Variants in TTN observed in about 807,000 individuals in gnomAD.
The protein encoded by TTN is titin, also known as connectin.
A neutral mutation model predicts 3,223.0 loss-of-function variants in TTN; 1,525 were observed. The observed-to-expected ratio is 0.47, with a 90% CI of 0.45 to 0.49. TTN has a LOEUF of 0.49. TTN is among the 20% of genes least tolerant of loss of function. The pLI, the probability that TTN is intolerant of heterozygous loss-of-function variation, is 0.00. For missense variants in TTN, 40,786 were observed against 43,424.0 expected, an observed-to-expected ratio of 0.94 and a Z score of 5.40; for synonymous variants, 14,094 against 15,161.0, an observed-to-expected ratio of 0.93 and a Z score of 5.17.
In TTN at chr2:178,681,061, G is replaced by T; in HGVS notation, c.33340+18C>A. 6.4e-7 allele frequency: 1 copy of T among 1,573,820 alleles called. No individual in the cohort carries two copies. The highest frequency in any genetic ancestry group is 8.6e-7 in the Non-Finnish European group (1 of 1,160,486). On this transcript the variant is annotated intron_variant, in intron 138 of 362. Transcript: ENST00000589042. Reference sequence around the variant, plus strand: ...AGGCATCAGAAAAGATCACAATCGAGGAAGGAAATCATTATACCTTTAGCA... The same window carrying T: ...AGGCATCAGAAAAGATCACAATCGATGAAGGAAATCATTATACCTTTAGCA...
Position 178,662,357 on chromosome 2 carries a change from T to G in TTN, c.37020A>C (p.Pro12340=), listed in dbSNP as rs1459084980. 6.7e-7 allele frequency: 1 copy of G among 1,487,738 alleles called. No homozygotes were observed. The highest frequency in any genetic ancestry group is 1.6e-5 in the African/African-American group (1 of 63,792). 92.2% of individuals were successfully genotyped at this position (1,487,738 alleles called of 1,614,324 possible). A position where few individuals can be genotyped will look rare whatever the true frequency, so the allele number is the denominator to read the frequency against. The change falls in exon 177 of 363, where the codon CCA becomes CCC. Residue 12340 remains proline (P), a synonymous_variant. Transcript: ENST00000589042. The part of the protein sequence containing the change: ...KEIPVAPPKK[P]EAPIVPVPEA... The stretch of plus-strand genomic sequence containing the variant: ...GTGTACCTGGGACAATTGGAGCTTC[T>G]GGTTTTTTGGGTGGAGCCACGGGAA...
In TTN at chr2:178,768,698, T is replaced by C; in HGVS notation, c.9138A>G (p.Thr3046=). The change falls in exon 38 of 363, where the codon ACA becomes ACG. Residue 3046 remains threonine, a synonymous_variant. Transcript: ENST00000589042. ...CTTCCACATAAAGTGTGGCTGTTGA[T>C]GTTGCTTTTCCAGCCACAAAGGTGT... ...ADYTFVAGKA[T]STATLYVEAR... is the part of the protein sequence containing the mutation. 1 of 1,614,056 alleles carries C rather than the reference T, an allele frequency of 6.2e-7. No homozygotes were observed. The highest frequency in any genetic ancestry group is 8.5e-7 in the Non-Finnish European group (1 of 1,180,008).
chr2:178,614,011 T>C, intron 262 of TTN, 41 bp downstream of exon 262: 1 of 1,609,820 alleles, frequency 6.2e-7, no homozygotes, highest in South Asian at 1.1e-5. Flanking sequence ...AAGTTTGACA[T>C]AAGCATCCTT....
At chr2:178,736,711 CAATATTA>C (rs2081504598) in intron 49 of TTN, among the ~76,000 whole-genome samples, 1 of 152,226 alleles carries the variant, frequency 6.6e-6, no homozygotes, top group African/African-American at 2.4e-5. Context: ...TCTGAAGCTT[CAATATTA>C]GTCGCATTCC....
intron 15 of TTN, 73 bp from the exon 16 acceptor site, chr2:178,784,424 T>G: frequency 6.4e-7 from 1 of 1,571,328 alleles, no homozygotes; most frequent in Non-Finnish European, 8.7e-7. Context: ...GGACTGAGTC[T>G]GAGCCTATTT....
chr2:178,681,942 T>C (rs2069509705), intron 135 of TTN, among the ~76,000 whole-genome samples: 1 of 151,990 alleles, frequency 6.6e-6, no homozygotes, highest in Non-Finnish European at 1.5e-5. Context: ...AGGTAATTCT[T>C]ACATATTAAA....
intron 349 of TTN, chr2:178,541,950 T>C: frequency 3.6e-6 from 1 of 277,558 alleles, no homozygotes; most frequent in Non-Finnish European, 6.7e-6. Context: ...ACATTGCCAG[T>C]CCTCCTTCCT....
chr2:178,724,987 G>A (rs1435985575), intron 71 of TTN: 4 of 206,446 alleles, frequency 1.9e-5, no homozygotes, highest in Non-Finnish European at 3.8e-5. Flanking sequence ...TCAAACAATT[G>A]TTTAATTGTC....
intron 346 of TTN, 70 bp from the exon 347 acceptor site, chr2:178,543,732 A>G: frequency 2.6e-6 from 4 of 1,519,502 alleles, no homozygotes; most frequent in Non-Finnish European, 3.5e-6. Flanking sequence ...GGGAAATATA[A>G]TCAACATAGT....
Position 178,584,212 on chromosome 2 carries a change from G to A in TTN, c.65275+64C>T, listed in dbSNP as rs896274867. 1.4e-5 allele frequency: 21 copies of A among 1,496,152 alleles called. 1 individual carries two copies. In the Middle Eastern group the frequency reaches 9.0e-4, roughly 64 times the overall value. 92.7% of individuals were successfully genotyped at this position (1,496,152 alleles called of 1,614,324 possible). On this transcript the variant is annotated intron_variant, in intron 311 of 362. Transcript: ENST00000589042. ...TCTTGGAGTCCAAATCTTAGACTCC[G>A]AGATTTAAATGTGCCTCCATAATAC...
Position 178,774,405 on chromosome 2 carries a change from C to G in TTN, c.6859G>C (p.Glu2287Gln), listed in dbSNP as rs1235978208. ...ATATTTTCTGGGGATACAATGCACT[C>G]TAATTCTCCTGAATATGATTCTGGA... ...EVPESYSGELECIVSPENIEG... is the reference protein window; with the variant it reads ...EVPESYSGELQCIVSPENIEG... The change falls in exon 30 of 363, where the codon GAG becomes CAG. Residue 2287 changes from glutamate (E) to glutamine (Q), a missense_variant. Transcript: ENST00000589042. The G allele has an allele frequency of 6.2e-7, 1 of 1,613,758 alleles. No individual in the cohort carries two copies. The highest frequency in any genetic ancestry group is 1.1e-5 in the South Asian group (1 of 91,080).
chr2:178,727,532 A>G (rs1412665083), intron 68 of TTN, 53 bp downstream of exon 68: 8 of 1,522,012 alleles, frequency 5.3e-6, no homozygotes, highest in Middle Eastern at 1.8e-4. Context: ...AACTGAATAC[A>G]GAGAACCAAA....
Position 178,677,778 on chromosome 2 carries a change from T to G in TTN, c.34134A>C (p.Leu11378=), listed in dbSNP as rs575740245. The change falls in exon 146 of 363, where the codon CTA becomes CTC. Residue 11378 remains leucine (L), a synonymous_variant. Transcript: ENST00000589042. ...EEVLPEEEEV[L]PEEEEVLPEE... is the part of the protein sequence containing the mutation. ...CAGGTAGAACTTCCTCTTCTTCAGG[T>G]AGAACTTCCTCTTCCTCAGGTAGAA... 3.1e-6 allele frequency: 5 copies of G among 1,612,648 alleles called. No individual in the cohort carries two copies. The highest frequency in any genetic ancestry group is 4.2e-6 in the Non-Finnish European group (5 of 1,179,090).
intron 213 of TTN, 110 bp downstream of exon 213, chr2:178,649,138 G>A (rs906281772): frequency 1.2e-6 from 1 of 833,444 alleles, no homozygotes; most frequent in Non-Finnish European, 1.7e-6. Context: ...TTTTTTCTGT[G>A]CAATATGGTT....
In TTN at chr2:178,593,261, C is replaced by A. The variant is rs886038922; in HGVS notation, c.58947G>T (p.Gln19649His). ...FRVPDLLEGC[Q>H]YEFRVSAENE... ...TTTCTGCAGAAACCCGGAATTCATA[C>A]TGACATCCTTCTAGAAGATCAGGAA... The change falls in exon 299 of 363, where the codon CAG (glutamine) becomes CAT (histidine). Residue 19649 changes from glutamine (Q) to histidine (H), a missense_variant. Physicochemically the swap from Gln to His is conservative, Grantham distance 24 (BLOSUM62 0). Transcript: ENST00000589042. 5.0e-6 allele frequency: 8 copies of A among 1,613,296 alleles called. No individual in the cohort carries two copies. Among genetic ancestry groups the A allele is most frequent in the Non-Finnish European group, 6.8e-6 (8 of 1,179,576 alleles).
At position 178,548,351 on chromosome 2, in the gene TTN, G is replaced by A. The variant is rs1458806643; in HGVS notation, c.93275C>T (p.Ala31092Val). ...CTCACCAACACCATACTCATTTACT[G>A]CAGAAACACGGAAATAGTACGGAAC... ...EGVPYYFRVS[A>V]VNEYGVGEPY... The change falls in exon 339 of 363, where the codon GCA (alanine) becomes GTA (valine). Residue 31092 changes from alanine (A) to valine (V), a missense_variant. By Grantham distance (64) the Ala-to-Val change is moderately conservative. Coordinates refer to ENST00000589042, the MANE Select transcript of TTN (RefSeq NM_001267550.2). The surrounding 1 kb of genome is among the most constrained non-coding windows in gnomAD (Gnocchi z 4.3). 6.2e-7 allele frequency: 1 copy of A among 1,613,830 alleles called. No homozygotes were observed. The highest frequency in any genetic ancestry group is 8.5e-7 in the Non-Finnish European group (1 of 1,179,820).
In TTN at chr2:178,614,087, A is replaced by T. The variant is rs767768313; in HGVS notation, c.49310T>A (p.Val16437Asp). ...TTTGGCTGTTATTGGAGAGGCCTGA[A>T]CTGGTTCACCAACACCATACATGTT... Reference protein sequence around the residue: ...AENMYGVGEPVQASPITAKYQ... With the variant: ...AENMYGVGEPDQASPITAKYQ... The change falls in exon 262 of 363, where the codon GTT (valine) becomes GAT (aspartate). Residue 16437 changes from valine (V) to aspartate (D), a missense_variant. Val to Asp is a radical substitution (Grantham distance 152). Coordinates refer to ENST00000589042, the MANE Select transcript of TTN (RefSeq NM_001267550.2). 3.0e-5 allele frequency: 49 copies of T among 1,612,410 alleles called. No homozygotes were observed. The highest frequency in any genetic ancestry group is 3.9e-5 in the Non-Finnish European group (46 of 1,179,246).
At chr2:178,716,693 G>A (rs1296654795) in intron 88 of TTN, among the ~76,000 whole-genome samples, 1 of 152,120 alleles carries the variant, frequency 6.6e-6, no homozygotes, top group Non-Finnish European at 1.5e-5. Context: ...TGAAGGGCTT[G>A]ATAGTTTGGC....
rs1431056112 is a variant in TTN at position 178,563,093 on chromosome 2, T to C, written c.83039A>G (p.Asp27680Gly). The C allele has an allele frequency of 2.5e-6, 4 of 1,613,728 alleles. No homozygotes were observed. Among genetic ancestry groups the C allele is most frequent in the Middle Eastern group, 3.3e-4 (2 of 6,058 alleles). The change falls in exon 326 of 363, where the codon GAT becomes GGT. Residue 27680 changes from aspartate (D) to glycine (G), a missense_variant. Asp to Gly is a moderately conservative substitution (Grantham distance 94). Transcript: ENST00000589042. The surrounding 1 kb of genome is among the most constrained non-coding windows in gnomAD (Gnocchi z 4.5). ...ACGCAGAACGACCACCTTTCTGAGA[T>C]CAGCATCGAGTTCTATTTCTGGTGG... ...IEPPEIELDA[D>G]LRKVVVLRAS...
Sources: gnomAD v4.1 joint callset for allele counts (sites outside exome capture counted in the v4.1 genomes callset) on GRCh38, gnomAD v4.1.1 for gene constraint, Gnocchi (gnomAD v3.1) non-coding constraint, MANE v1.5 for transcripts, NCBI Gene and HGNC (gene_info 2026-07-23, HGNC 2026-07-21) for gene names.